Variants in RHOH observed in about 807,000 individuals in gnomAD.
The protein encoded by RHOH is rho-related GTP-binding protein RhoH.
A neutral mutation model predicts 13.8 loss-of-function variants in RHOH; 6 were observed. That is an observed-to-expected ratio of 0.44 (90% CI 0.24 to 0.86). RHOH has a LOEUF of 0.86. RHOH is among the 40% of genes least tolerant of loss of function. The pLI, the probability that RHOH is intolerant of heterozygous loss-of-function variation, is 0.24. For synonymous variants in RHOH, 117 were observed against 103.0 expected (o/e 1.14, Z -0.82); for missense variants, 147 against 244.5 (o/e 0.60, Z 2.66).
In RHOH at chr4:40,243,970, G is replaced by A. The variant is rs1436672996; in HGVS notation, c.*8G>A. On this transcript the variant is annotated 3_prime_UTR_variant, in exon 3 of 3. Transcript: ENST00000381799. The surrounding 1 kb of genome is among the most constrained non-coding windows in gnomAD (Gnocchi z 6.2). The stretch of plus-strand genomic sequence containing the variant: ...GAGTGCAAGATCTTCTAAACCCCAA[G>A]AGACTTCACACAACACTTATGTATG... 2 of 1,602,244 alleles carry A rather than the reference G, an allele frequency of 1.2e-6. No individual in the cohort carries two copies. The highest frequency in any genetic ancestry group is 1.7e-6 in the Non-Finnish European group (2 of 1,173,292).
chr4:40,242,628 C>T (rs1449896697), intron 1 of RHOH, 86 bp from the exon 2 acceptor site: 1 of 152,190 alleles, frequency 6.6e-6, no homozygotes, highest in African/African-American at 2.4e-5. Context: ...CACATATTCC[C>T]ATAAACCAAG....
At chr4:40,199,966 G>A (rs943875731) in intron 1 of RHOH, among the ~76,000 whole-genome samples, 3 of 152,188 alleles carry the variant, frequency 2.0e-5, no homozygotes, top group Admixed American at 6.5e-5. Context: ...TGCAGATGAC[G>A]TGAGTCACAC....
At chr4:40,239,832 C>T (rs964430080) in intron 1 of RHOH, among the ~76,000 whole-genome samples, 3 of 151,632 alleles carry the variant, frequency 2.0e-5, no homozygotes, top group Non-Finnish European at 4.4e-5. Flanking sequence ...GAGCTGAGAT[C>T]ACACCACTGC....
intron 1 of RHOH, among the ~76,000 whole-genome samples, chr4:40,204,192 A>G (rs1228997371): frequency 2.6e-5 from 4 of 152,176 alleles, no homozygotes; most frequent in Non-Finnish European, 4.4e-5. Flanking sequence ...ATAGCCTTCA[A>G]TGTCTCGTGC....
chr4:40,236,971 C>T (rs1397193975), intron 1 of RHOH, among the ~76,000 whole-genome samples: 1 of 152,080 alleles, frequency 6.6e-6, no homozygotes. Context: ...GAAATCTAGC[C>T]AGTGTGTAGA....
intron 1 of RHOH, among the ~76,000 whole-genome samples, chr4:40,216,475 A>T (rs897797540): frequency 5.3e-5 from 8 of 152,164 alleles, no homozygotes; most frequent in Non-Finnish European, 1.2e-4. Context: ...TCTCAATAAA[A>T]AAAAAGAAAC....
At chr4:40,241,485 A>G (rs1729236116) in intron 1 of RHOH, among the ~76,000 whole-genome samples, 1 of 152,232 alleles carries the variant, frequency 6.6e-6, no homozygotes, top group Admixed American at 6.5e-5. Flanking sequence ...CCTGGCTTAC[A>G]TGTGTTTAAA....
At chr4:40,227,362 T>G (rs1363381175) in intron 1 of RHOH, among the ~76,000 whole-genome samples, 1 of 152,218 alleles carries the variant, frequency 6.6e-6, no homozygotes, top group Non-Finnish European at 1.5e-5. Flanking sequence ...GGCTATACAA[T>G]GTAGGCATAA....
chr4:40,221,551 T>G (rs1726585416), intron 1 of RHOH, among the ~76,000 whole-genome samples: 1 of 152,254 alleles, frequency 6.6e-6, no homozygotes, highest in Non-Finnish European at 1.5e-5. Flanking sequence ...TTGATGTTAC[T>G]GTTGCAATTG....
At chr4:40,219,617 T>C (rs28529004) in intron 1 of RHOH, among the ~76,000 whole-genome samples, 7,714 of 152,226 alleles carry the variant, frequency 0.051, 252 homozygotes, top group African/African-American at 0.076. Context: ...TATAGGCATG[T>C]AATCACTATT....
chr4:40,219,269 G>A (rs1322847363), intron 1 of RHOH, among the ~76,000 whole-genome samples: 6 of 151,998 alleles, frequency 3.9e-5, no homozygotes, highest in African/African-American at 1.4e-4. Context: ...AAAATTAGCT[G>A]GGCATGGTGG....
chr4:40,230,421 C>T (rs978750026), intron 1 of RHOH, among the ~76,000 whole-genome samples: 3 of 152,032 alleles, frequency 2.0e-5, no homozygotes, highest in African/African-American at 4.8e-5. Context: ...GCCTCTGCCT[C>T]CCAGGTTCAA....
chr4:40,231,117 G>T (rs1003469811), intron 1 of RHOH, among the ~76,000 whole-genome samples: 1 of 152,102 alleles, frequency 6.6e-6, no homozygotes, highest in East Asian at 1.9e-4. Context: ...ACAAGCCAGT[G>T]GGCACCACTC....
intron 1 of RHOH, among the ~76,000 whole-genome samples, chr4:40,197,539 T>G (rs1311580713): frequency 1.3e-5 from 2 of 152,204 alleles, no homozygotes; most frequent in Non-Finnish European, 2.9e-5. Context: ...AGTTGGCTTT[T>G]TGGTTTTCCA....
chr4:40,223,753 T>C (rs910048395), intron 1 of RHOH, among the ~76,000 whole-genome samples: 1 of 149,264 alleles, frequency 6.7e-6, no homozygotes, highest in African/African-American at 2.5e-5. Context: ...TCATGTATAG[T>C]GTAAACATAA....
At chr4:40,223,607 AGT>A (rs146764858) in intron 1 of RHOH, among the ~76,000 whole-genome samples, 416 of 150,814 alleles carry the variant, frequency 2.8e-3, no homozygotes, top group Admixed American at 4.5e-3. Context: ...TGGGATTACA[AGT>A]GTGCATTACC....
intron 1 of RHOH, among the ~76,000 whole-genome samples, chr4:40,217,553 G>A (rs1281705770): frequency 1.3e-5 from 2 of 152,040 alleles, no homozygotes; most frequent in African/African-American, 2.4e-5. Context: ...TGCACATACC[G>A]ATTTGAACTT....
At chr4:40,236,038 T>C (rs1203685165) in intron 1 of RHOH, among the ~76,000 whole-genome samples, 1 of 151,118 alleles carries the variant, frequency 6.6e-6, no homozygotes, top group African/African-American at 2.4e-5. Flanking sequence ...GTCTTGAAAC[T>C]GGGTCTGCAT....
At chr4:40,226,526 C>CAAAAAAA (rs892642366) in intron 1 of RHOH, among the ~76,000 whole-genome samples, 14 of 132,984 alleles carry the variant, frequency 1.1e-4, no homozygotes, top group South Asian at 2.6e-4. Flanking sequence ...AACTCCATCT[C>CAAAAAAA]AAAAAAAAAA....
Sources: gnomAD v4.1 joint callset for allele counts (sites outside exome capture counted in the v4.1 genomes callset) on GRCh38, gnomAD v4.1.1 for gene constraint, Gnocchi (gnomAD v3.1) non-coding constraint, MANE v1.5 for transcripts, NCBI Gene and HGNC (gene_info 2026-07-23, HGNC 2026-07-21) for gene names.